Variants in SYT16 observed in about 807,000 individuals in gnomAD.
SYT16 encodes synaptotagmin 16, also known as synaptotagmin-16.
SYT16 carries 42 observed loss-of-function variants against 61.4 expected under a neutral mutation model. The ratio of observed to expected loss-of-function variants is 0.68; its 90% CI spans 0.53 to 0.89. The LOEUF (loss-of-function observed/expected upper bound fraction) is 0.89. Among genes scored for constraint, SYT16 ranks in the 40% least tolerant of loss-of-function variants. The pLI is 0.00. For missense variants in SYT16, 804 were observed against 807.3 expected (o/e 1.00, Z 0.05); for synonymous variants, 314 against 302.3 (o/e 1.04, Z -0.40).
At chr14:62,035,283 T>C (rs908586867) in intron 3 of SYT16, among the ~76,000 whole-genome samples, 1 of 152,210 alleles carries the variant, frequency 6.6e-6, no homozygotes, top group East Asian at 1.9e-4. Context: ...AGCCCAGTTG[T>C]TTAGTATCTT....
At chr14:61,883,164 G>T (rs138890075) in intron 1 of SYT16, among the ~76,000 whole-genome samples, 3,625 of 152,286 alleles carry the variant, frequency 0.024, 56 homozygotes, top group Admixed American at 0.033. Context: ...TCTCTGACAT[G>T]CCCTGGAGAC....
chr14:62,100,958 G>A lies in SYT16; in HGVS notation c.*251G>A. ...ATACCACAATTAAGACCACTGATGA[G>A]TTAATTTGTGCCAATAGATCATTGA... On this transcript the variant is annotated 3_prime_UTR_variant, in exon 8 of 8. Coordinates refer to ENST00000683842, the MANE Select transcript of SYT16 (RefSeq NM_001367656.1). 2 of 408,524 alleles carry A rather than the reference G, an allele frequency of 4.9e-6. No individual in the cohort carries two copies. The highest frequency in any genetic ancestry group is 4.4e-6 in the Non-Finnish European group (1 of 227,572). 25.3% of individuals were successfully genotyped at this position (408,524 alleles called of 1,614,324 possible).
intron 3 of SYT16, among the ~76,000 whole-genome samples, chr14:62,004,194 A>G (rs2053131196): frequency 6.6e-6 from 1 of 152,198 alleles, no homozygotes; most frequent in Non-Finnish European, 1.5e-5. Flanking sequence ...CAATTATGGC[A>G]GAAGGTGAAG....
intron 5 of SYT16, among the ~76,000 whole-genome samples, chr14:62,075,620 G>GAAAAAGAA (rs2056467266): frequency 1.1e-5 from 1 of 91,840 alleles, no homozygotes; most frequent in Non-Finnish European, 2.4e-5. Flanking sequence ...AAAAAAAAAA[G>GAAAAAGAA]AAAAAAAGAA....
chr14:62,096,215 T>A (rs1163227916), intron 7 of SYT16, among the ~76,000 whole-genome samples: 1 of 152,002 alleles, frequency 6.6e-6, no homozygotes, highest in African/African-American at 2.4e-5. Flanking sequence ...TAAACCTGAC[T>A]CCACAAAAAT....
intron 2 of SYT16, among the ~76,000 whole-genome samples, chr14:61,976,711 T>C (rs2051820151): frequency 6.6e-6 from 1 of 151,852 alleles, no homozygotes; most frequent in South Asian, 2.1e-4. Flanking sequence ...CACAAAAACA[T>C]TTTGTCCTCC....
intron 1 of SYT16, among the ~76,000 whole-genome samples, chr14:61,891,472 C>T (rs1210121059): frequency 6.6e-6 from 1 of 152,210 alleles, no homozygotes; most frequent in African/African-American, 2.4e-5. Context: ...GCAGCAGCAG[C>T]TCAAGCTGGT....
At chr14:62,015,670 A>G (rs1025366198) in intron 3 of SYT16, among the ~76,000 whole-genome samples, 2 of 152,148 alleles carry the variant, frequency 1.3e-5, no homozygotes, top group African/African-American at 4.8e-5. Flanking sequence ...TGCCCTTATA[A>G]AAGAGGCCCC....
In SYT16 at chr14:62,108,136, T is replaced by C. The variant is rs927938778; in HGVS notation, c.*7429T>C. On this transcript the variant is annotated 3_prime_UTR_variant, in exon 8 of 8. Coordinates refer to ENST00000683842, the MANE Select transcript of SYT16 (RefSeq NM_001367656.1). ...CTTATGAAATAGGTAAAGGTCAACA[T>C]TGGGAGTGTCCCTACCTTGGCAGAT... The C allele has an allele frequency of 6.6e-6, 1 of 152,194 alleles. No homozygotes were observed. Among genetic ancestry groups the C allele is most frequent in the Non-Finnish European group, 1.5e-5 (1 of 68,020 alleles). 9.4% of individuals were successfully genotyped at this position (152,194 alleles called of 1,614,324 possible).
intron 3 of SYT16, among the ~76,000 whole-genome samples, chr14:62,063,006 G>A (rs1165606410): frequency 2.6e-5 from 4 of 152,098 alleles, no homozygotes; most frequent in Non-Finnish European, 5.9e-5. Flanking sequence ...TCTTTGCATC[G>A]CCAGTTGGTA....
chr14:62,033,023 A>G (rs2054366989), intron 3 of SYT16, among the ~76,000 whole-genome samples: 1 of 124,500 alleles, frequency 8.0e-6, no homozygotes, highest in African/African-American at 3.9e-5. Context: ...CATTTCATGA[A>G]ATTAAGGTAC....
chr14:62,094,880 C>A (rs958260513), intron 7 of SYT16, among the ~76,000 whole-genome samples: 2 of 151,876 alleles, frequency 1.3e-5, no homozygotes, highest in Non-Finnish European at 2.9e-5. Flanking sequence ...TCAATATGGG[C>A]AAAATTTTTC....
intron 1 of SYT16, among the ~76,000 whole-genome samples, chr14:61,880,402 G>A (rs1326433764): frequency 1.3e-5 from 2 of 152,172 alleles, no homozygotes; most frequent in Non-Finnish European, 2.9e-5. Flanking sequence ...CAGACACAGG[G>A]CAGAGCAAGC....
chr14:61,923,048 C>G (rs1280506454), intron 1 of SYT16, among the ~76,000 whole-genome samples: 1 of 95,510 alleles, frequency 1.0e-5, no homozygotes, highest in Non-Finnish European at 2.2e-5. Flanking sequence ...GACTCTGTCT[C>G]AAAAAAAAAA....
chr14:62,047,621 T>C (rs1445569628), intron 3 of SYT16, among the ~76,000 whole-genome samples: 2 of 151,802 alleles, frequency 1.3e-5, no homozygotes, highest in Non-Finnish European at 2.9e-5. Flanking sequence ...TTGTCATAGA[T>C]AGCTCTTATT....
intron 7 of SYT16, among the ~76,000 whole-genome samples, chr14:62,092,655 T>G (rs2057126917): frequency 6.6e-6 from 1 of 151,746 alleles, no homozygotes; most frequent in Admixed American, 6.6e-5. Context: ...ATGATTCCAC[T>G]TATAAGAGGT....
At chr14:62,002,093 A>G (rs544341250) in intron 3 of SYT16, among the ~76,000 whole-genome samples, 170 of 152,126 alleles carry the variant, frequency 1.1e-3, no homozygotes, top group African/African-American at 3.9e-3. Context: ...TTGTCTCTAG[A>G]CAGGATGTTT....
chr14:61,856,600 G>A (rs1265143712), intron 1 of SYT16, among the ~76,000 whole-genome samples: 1 of 152,084 alleles, frequency 6.6e-6, no homozygotes, highest in South Asian at 2.1e-4. Context: ...GGCGGGTGAG[G>A]GTTGGGGATG....
chr14:61,924,759 AAT>A (rs1386730502), intron 1 of SYT16, among the ~76,000 whole-genome samples: 2 of 152,202 alleles, frequency 1.3e-5, no homozygotes, highest in Non-Finnish European at 2.9e-5. Flanking sequence ...ACCTAATACA[AAT>A]AGTGTATGGA....
Sources: gnomAD v4.1 joint callset for allele counts (sites outside exome capture counted in the v4.1 genomes callset) on GRCh38, gnomAD v4.1.1 for gene constraint, MANE v1.5 for transcripts, NCBI Gene and HGNC (gene_info 2026-07-23, HGNC 2026-07-21) for gene names.